Variants in FAM13A observed in about 807,000 individuals in gnomAD.
FAM13A encodes the protein protein FAM13A.
Under a neutral mutation model 129.6 loss-of-function variants are expected in FAM13A, and 76 were observed. The ratio of observed to expected loss-of-function variants is 0.59; its 90% CI spans 0.49 to 0.71. FAM13A has a LOEUF of 0.71. FAM13A is among the 30% of genes least tolerant of loss of function. The probability of loss-of-function intolerance (pLI) is 0.00; values close to 1 mark genes in which losing one functional copy is unlikely to be tolerated. For synonymous variants in FAM13A, 443 were observed against 449.9 expected (o/e 0.98, Z 0.20); for missense variants, 1,108 against 1,249.3 (o/e 0.89, Z 1.70).
Position 88,802,582 on chromosome 4 carries a change from T to G in FAM13A, c.1049+2429A>C, listed in dbSNP as rs555600488. ...GGTAGACTAACATGGGATTCAGGCA[T>G]GACTGTTCAATGAGAATATCACATT... On this transcript the variant is annotated intron_variant, in intron 8 of 23. Coordinates refer to ENST00000264344, the MANE Select transcript of FAM13A (RefSeq NM_014883.4). 2.6e-5 allele frequency among the ~76,000 whole-genome samples: 4 copies of G among 152,326 alleles called. No individual in the cohort carries two copies. In the South Asian group the frequency reaches 8.3e-4, roughly 32 times the overall value.
intron 11 of FAM13A, among the ~76,000 whole-genome samples, chr4:88,769,085 T>C (rs1045992845): frequency 5.3e-5 from 8 of 152,188 alleles, no homozygotes; most frequent in African/African-American, 1.9e-4. Flanking sequence ...TCAAAGTAAA[T>C]TATACATATA....
At chr4:88,852,835 G>A (rs1406884067) in intron 6 of FAM13A, among the ~76,000 whole-genome samples, 2 of 151,982 alleles carry the variant, frequency 1.3e-5, no homozygotes. Context: ...GAATAATTAT[G>A]AACATAAATA....
intron 14 of FAM13A, among the ~76,000 whole-genome samples, chr4:88,755,451 G>C (rs2149492414): frequency 1.3e-5 from 2 of 152,248 alleles, no homozygotes; most frequent in South Asian, 4.1e-4. Context: ...CCTATTTAAA[G>C]ATGGAAAACC....
intron 10 of FAM13A, among the ~76,000 whole-genome samples, chr4:88,781,597 T>G (rs758487549): frequency 1.3e-5 from 2 of 152,140 alleles, no homozygotes; most frequent in South Asian, 4.1e-4. Flanking sequence ...GGACAGCTTT[T>G]GTATTTTACC....
intron 11 of FAM13A, among the ~76,000 whole-genome samples, chr4:88,776,038 A>G (rs957298072): frequency 1.4e-4 from 21 of 152,356 alleles, no homozygotes; most frequent in African/African-American, 5.1e-4. Flanking sequence ...TCATGTACAC[A>G]TGAAACTAAA....
intron 6 of FAM13A, among the ~76,000 whole-genome samples, chr4:88,880,025 ATAT>A (rs1349572259): frequency 1.3e-5 from 2 of 152,104 alleles, no homozygotes; most frequent in Non-Finnish European, 2.9e-5. Flanking sequence ...ACACCTACCT[ATAT>A]TATTATTATA....
intron 6 of FAM13A, among the ~76,000 whole-genome samples, chr4:88,861,803 T>C (rs1411912448): frequency 6.6e-6 from 1 of 152,196 alleles, no homozygotes; most frequent in South Asian, 2.1e-4. Flanking sequence ...TTAAACATTA[T>C]CTATCTATCT....
intron 7 of FAM13A, chr4:88,823,381 C>T (rs1052599839): frequency 1.0e-6 from 1 of 954,106 alleles, no homozygotes; most frequent in Non-Finnish European, 1.3e-6. Flanking sequence ...TCCTCCTCTT[C>T]CTCCTCCTCC....
At chr4:88,783,069 A>T (rs1388066449) in intron 10 of FAM13A, among the ~76,000 whole-genome samples, 3 of 152,140 alleles carry the variant, frequency 2.0e-5, no homozygotes, top group African/African-American at 2.4e-5. Context: ...AATGCATAAT[A>T]ATTACATTAA....
chr4:88,770,720 A>G (rs1009439344), intron 11 of FAM13A, among the ~76,000 whole-genome samples: 1 of 152,130 alleles, frequency 6.6e-6, no homozygotes, highest in African/African-American at 2.4e-5. Flanking sequence ...AATGTAATTG[A>G]TACAGGTGTT....
At chr4:88,870,348 T>C (rs1741149551) in intron 6 of FAM13A, among the ~76,000 whole-genome samples, 1 of 152,172 alleles carries the variant, frequency 6.6e-6, no homozygotes, top group Admixed American at 6.5e-5. Context: ...ACCCGGGAAG[T>C]GCAAGGGGTC....
intron 6 of FAM13A, among the ~76,000 whole-genome samples, chr4:88,861,870 A>C (rs1436416812): frequency 6.6e-6 from 1 of 152,224 alleles, no homozygotes; most frequent in Non-Finnish European, 1.5e-5. Flanking sequence ...TTCCATTTTA[A>C]AGGTGGTAGA....
intron 4 of FAM13A, chr4:88,989,916 CCAAA>C (rs1376641309): frequency 2.6e-5 from 4 of 152,216 alleles, no homozygotes; most frequent in Admixed American, 6.5e-5. Flanking sequence ...ATGTAAGTCA[CCAAA>C]CAAAGGTTTA....
intron 7 of FAM13A, among the ~76,000 whole-genome samples, chr4:88,843,342 T>C (rs72663501): frequency 0.013 from 2,034 of 152,344 alleles, 23 homozygotes; most frequent in Non-Finnish European, 0.023. Context: ...GCTATGATAT[T>C]TGGTAATTTT....
At chr4:88,782,928 T>C (rs1723228389) in intron 10 of FAM13A, among the ~76,000 whole-genome samples, 1 of 152,182 alleles carries the variant, frequency 6.6e-6, no homozygotes, top group Non-Finnish European at 1.5e-5. Flanking sequence ...TTAAATTCTA[T>C]CTTATCACTC....
chr4:88,823,283 G>T (rs1327965598), intron 7 of FAM13A: 16 of 1,236,938 alleles, frequency 1.3e-5, no homozygotes, highest in Non-Finnish European at 1.0e-6. Context: ...GAACCACCGG[G>T]CCAATCAGAG....
chr4:88,775,284 C>T (rs1721454530), intron 11 of FAM13A, among the ~76,000 whole-genome samples: 1 of 152,126 alleles, frequency 6.6e-6, no homozygotes, highest in Non-Finnish European at 1.5e-5. Context: ...AGTCATAGCA[C>T]AGGGACCAGT....
At chr4:88,794,861 AT>A (rs1236185225) in intron 8 of FAM13A, among the ~76,000 whole-genome samples, 1 of 151,854 alleles carries the variant, frequency 6.6e-6, no homozygotes, top group African/African-American at 2.4e-5. Flanking sequence ...AAAATATAGT[AT>A]TTTTAGTATC....
At chr4:88,887,310 A>T (rs1487873498) in intron 6 of FAM13A, among the ~76,000 whole-genome samples, 1 of 152,180 alleles carries the variant, frequency 6.6e-6, no homozygotes, top group African/African-American at 2.4e-5. Flanking sequence ...AAAGAAATAA[A>T]TTTTTGAAAA....
Sources: gnomAD v4.1 joint callset for allele counts (sites outside exome capture counted in the v4.1 genomes callset) on GRCh38, gnomAD v4.1.1 for gene constraint, MANE v1.5 for transcripts, NCBI Gene and HGNC (gene_info 2026-07-23, HGNC 2026-07-21) for gene names.